SCHIP1: variants seen among roughly 807,000 people sequenced by gnomAD.
SCHIP1 encodes schwannomin interacting protein 1, also known as schwannomin-interacting protein 1.
In SCHIP1, 8 loss-of-function variants were observed where a neutral mutation model predicts 29.7. The ratio of observed to expected loss-of-function variants is 0.27; its 90% CI spans 0.16 to 0.49. The LOEUF is 0.49. SCHIP1 is among the 20% of genes least tolerant of loss of function. SCHIP1 has a pLI of 0.99. For synonymous variants in SCHIP1, 76 were observed against 94.9 expected, an observed-to-expected ratio of 0.80 and a Z score of 1.16; for missense variants, 193 against 294.6, an observed-to-expected ratio of 0.66 and a Z score of 2.52.
the SCHIP1 span, among the ~76,000 whole-genome samples, chr3:159,282,026 A>C: frequency 1.3e-5 from 2 of 152,060 alleles, no homozygotes; most frequent in Non-Finnish European, 2.9e-5. Context: ...AAAATTTCTT[A>C]AAGTTTTATG....
the SCHIP1 span, among the ~76,000 whole-genome samples, chr3:159,507,999 A>G: frequency 1.4e-3 from 208 of 151,768 alleles, no homozygotes; most frequent in Non-Finnish European, 2.6e-3. Flanking sequence ...GTTAGGGAGG[A>G]CTCCCTCTTT....
At chr3:159,689,177 A>G in the SCHIP1 span, among the ~76,000 whole-genome samples, 4 of 152,230 alleles carry the variant, frequency 2.6e-5, no homozygotes, top group African/African-American at 9.6e-5. Context: ...GAATCTACAA[A>G]TTACTTTGGG....
the SCHIP1 span, among the ~76,000 whole-genome samples, chr3:159,786,687 G>GTT: frequency 1.5e-5 from 2 of 130,050 alleles, no homozygotes; most frequent in Non-Finnish European, 3.2e-5. Flanking sequence ...GTGTGTGTGT[G>GTT]TGTGTGTGTC....
the SCHIP1 span, among the ~76,000 whole-genome samples, chr3:159,678,701 G>A: frequency 6.6e-6 from 1 of 152,172 alleles, no homozygotes; most frequent in Non-Finnish European, 1.5e-5. Context: ...CTGCTCTAAG[G>A]AACTGCCTGA....
rs1313791460 is a variant in SCHIP1 at position 159,861,577 on chromosome 3, T to G, written c.31-4586T>G. ...AGGCACAGCGGGTGGCAGTAGGGAA[T>G]TTAGCAACAGATGAGGACAAAAACT... On this transcript the variant is annotated intron_variant, in intron 1 of 6. Coordinates refer to ENST00000445224, the Ensembl canonical transcript of SCHIP1. This position sits in a 1 kb window ranked among gnomAD's most constrained non-coding sequence, Gnocchi z 4.1. Among the ~76,000 whole-genome samples the G allele has an allele frequency of 6.6e-6, 1 of 152,134 alleles. No homozygotes were observed. Among genetic ancestry groups the G allele is most frequent in the Admixed American group, 6.6e-5 (1 of 15,258 alleles).
the SCHIP1 span, among the ~76,000 whole-genome samples, chr3:159,573,007 T>C: frequency 6.6e-6 from 1 of 151,992 alleles, no homozygotes; most frequent in Non-Finnish European, 1.5e-5. Context: ...TATGTGCATC[T>C]TTGCATGTGA....
chr3:159,332,977 G>C, the SCHIP1 span, among the ~76,000 whole-genome samples: 1 of 152,176 alleles, frequency 6.6e-6, no homozygotes, highest in Non-Finnish European at 1.5e-5. Context: ...CAGTTTCAGT[G>C]CCTGTTGGAG....
chr3:159,631,749 T>C, the SCHIP1 span, among the ~76,000 whole-genome samples: 1 of 152,194 alleles, frequency 6.6e-6, no homozygotes, highest in South Asian at 2.1e-4. Context: ...ATAGTTGTGA[T>C]GGTTATACAA....
the SCHIP1 span, among the ~76,000 whole-genome samples, chr3:159,395,847 A>G: frequency 2.0e-5 from 3 of 151,974 alleles, no homozygotes; most frequent in South Asian, 4.2e-4. Flanking sequence ...CGCTTGGTAC[A>G]GAGCTGAGTT....
At chr3:159,791,780 T>C in the SCHIP1 span, among the ~76,000 whole-genome samples, 3 of 152,320 alleles carry the variant, frequency 2.0e-5, no homozygotes, top group East Asian at 5.8e-4. Context: ...AACAGGGTAA[T>C]ATTAGTGAGA....
chr3:159,343,769 TTGAA>T, the SCHIP1 span, among the ~76,000 whole-genome samples: 1 of 152,338 alleles, frequency 6.6e-6, no homozygotes, highest in South Asian at 2.1e-4. Flanking sequence ...ATGCTATAGA[TTGAA>T]TGTTTTCCTT....
At chr3:159,756,945 A>C in the SCHIP1 span, among the ~76,000 whole-genome samples, 2 of 152,200 alleles carry the variant, frequency 1.3e-5, no homozygotes, top group African/African-American at 4.8e-5. Flanking sequence ...AGCCTGACTT[A>C]ATGTCCATAT....
At chr3:159,350,612 C>T in the SCHIP1 span, among the ~76,000 whole-genome samples, 2 of 151,844 alleles carry the variant, frequency 1.3e-5, no homozygotes, top group South Asian at 2.1e-4. Context: ...GTAAGACTAC[C>T]TGATGCTTTT....
the SCHIP1 span, among the ~76,000 whole-genome samples, chr3:159,736,747 T>A: frequency 1.3e-5 from 2 of 151,910 alleles, no homozygotes. Flanking sequence ...TTTTTTTTTT[T>A]TTTTTGAGAC....
the SCHIP1 span, among the ~76,000 whole-genome samples, chr3:159,407,750 CA>C: frequency 2.0e-5 from 3 of 152,118 alleles, no homozygotes; most frequent in African/African-American, 7.2e-5. Flanking sequence ...AGTATACAAA[CA>C]CATTGAAATC....
intron 1 of SCHIP1, among the ~76,000 whole-genome samples, chr3:159,842,877 C>A (rs910847817): frequency 2.0e-5 from 3 of 151,938 alleles, no homozygotes; most frequent in Admixed American, 6.6e-5. Flanking sequence ...ATTGTCGCCT[C>A]TACCCCCATC....
the SCHIP1 span, among the ~76,000 whole-genome samples, chr3:159,553,209 G>A: frequency 6.6e-6 from 1 of 150,568 alleles, no homozygotes; most frequent in African/African-American, 2.4e-5. Flanking sequence ...CTAGATTAAT[G>A]TGAGCAAACA....
the SCHIP1 span, among the ~76,000 whole-genome samples, chr3:159,512,184 G>A: frequency 6.6e-6 from 1 of 152,148 alleles, no homozygotes; most frequent in African/African-American, 2.4e-5. Context: ...GGGAGAACTA[G>A]AGGGAAGGAG....
the SCHIP1 span, among the ~76,000 whole-genome samples, chr3:159,493,498 A>G: frequency 6.6e-6 from 1 of 152,078 alleles, no homozygotes; most frequent in African/African-American, 2.4e-5. Context: ...ATCAAAAGAG[A>G]CAAAGAAGGC....
Sources: allele counts gnomAD v4.1 joint callset (sites outside exome capture counted in the v4.1 genomes callset), GRCh38; gene constraint gnomAD v4.1.1; non-coding constraint Gnocchi (gnomAD v3.1); transcripts MANE v1.5; gene names NCBI Gene and HGNC (gene_info 2026-07-23, HGNC 2026-07-21).